Variants in UTY observed in about 807,000 individuals in gnomAD.
UTY encodes ubiquitously transcribed tetratricopeptide repeat containing, Y-linked, also known as histone demethylase UTY.
A neutral mutation model predicts 32.5 loss-of-function variants in UTY; 12 were observed. The ratio of observed to expected loss-of-function variants is 0.37; its 90% confidence interval spans 0.24 to 0.60. UTY has a LOEUF of 0.60. UTY is among the 20% of genes least tolerant of loss of function. The pLI is 0.69. For synonymous variants in UTY, 131 were observed against 103.4 expected, an observed-to-expected ratio of 1.27 and a Z score of -1.62; for missense variants, 303 against 299.2, an observed-to-expected ratio of 1.01 and a Z score of -0.09.
intron 4 of UTY, among the ~76,000 whole-genome samples, chrY:13,415,761 C>T (rs975690380): frequency 9.0e-5 from 3 of 33,502 alleles, no homozygotes; most frequent in Admixed American, 8.0e-4. Context: ...AATGATGCAA[C>T]TGCCTAAAAA....
intron 21 of UTY, among the ~76,000 whole-genome samples, chrY:13,322,245 T>C (rs2059890173): frequency 2.9e-5 from 1 of 33,927 alleles, no homozygotes; most frequent in Non-Finnish European, 7.3e-5. Flanking sequence ...TTCTACATTC[T>C]TTCATCTGAT....
chrY:13,234,566 C>T (rs1410611444), downstream of UTY: 3 of 136,237 alleles, frequency 2.2e-5, no homozygotes, highest in South Asian at 7.7e-5. Context: ...GAATGAGGAA[C>T]GTGGACAAAT....
chrY:13,377,285 C>T, intron 8 of UTY, among the ~76,000 whole-genome samples: 1 of 33,405 alleles, frequency 3.0e-5, no homozygotes, highest in East Asian at 7.7e-4. Flanking sequence ...AAAACGAAGA[C>T]CTATGGACCA....
intron 2 of UTY, among the ~76,000 whole-genome samples, chrY:13,475,379 CA>C (rs2078933638): frequency 2.9e-5 from 1 of 34,059 alleles, no homozygotes; most frequent in East Asian, 7.6e-4. Context: ...GACTAATTTA[CA>C]AAATATGTAG....
At chrY:13,295,586 G>A in intron 27 of UTY, among the ~76,000 whole-genome samples, 1 of 33,645 alleles carries the variant, frequency 3.0e-5, no homozygotes, top group Non-Finnish European at 7.4e-5. Flanking sequence ...GCACCAACTC[G>A]AAAGTCCAGT....
At chrY:13,455,025 A>T in intron 3 of UTY, among the ~76,000 whole-genome samples, 2 of 31,836 alleles carry the variant, frequency 6.3e-5, no homozygotes, top group Admixed American at 5.9e-4. Flanking sequence ...CATGCCAGGT[A>T]AAAGAATCCA....
intron 4 of UTY, among the ~76,000 whole-genome samples, chrY:13,424,116 G>T: frequency 5.9e-5 from 2 of 33,823 alleles, no homozygotes; most frequent in African/African-American, 1.2e-4. Context: ...TAAAAATATA[G>T]AGAGAGAATG....
chrY:13,332,990 CA>C (rs2060790089), intron 18 of UTY, among the ~76,000 whole-genome samples: 1 of 33,202 alleles, frequency 3.0e-5, no homozygotes, highest in East Asian at 7.8e-4. Flanking sequence ...CTCGCATTCA[CA>C]ATTGCTACAG....
At chrY:13,313,049 G>A in intron 21 of UTY, among the ~76,000 whole-genome samples, 1 of 32,649 alleles carries the variant, frequency 3.1e-5, no homozygotes, top group African/African-American at 1.2e-4. Flanking sequence ...CTCATTACTG[G>A]GTATCTACCC....
At chrY:13,287,524 A>C in intron 27 of UTY, 1 of 109,778 alleles carries the variant, frequency 9.1e-6, no homozygotes. Context: ...TATATAAATA[A>C]AAACAAGGCT....
intron 4 of UTY, among the ~76,000 whole-genome samples, chrY:13,421,112 T>C (rs2072459740): frequency 3.1e-5 from 1 of 32,776 alleles, no homozygotes; most frequent in Non-Finnish European, 7.5e-5. Flanking sequence ...CCAACAAGCA[T>C]AGAGAAAAAA....
At chrY:13,265,523 A>T in intron 27 of UTY, among the ~76,000 whole-genome samples, 1 of 33,366 alleles carries the variant, frequency 3.0e-5, no homozygotes, top group South Asian at 6.6e-4. Flanking sequence ...TGGGGAGTTC[A>T]TTCATGATTT....
chrY:13,257,190 G>C, intron 28 of UTY, among the ~76,000 whole-genome samples: 1 of 33,778 alleles, frequency 3.0e-5, no homozygotes, highest in Non-Finnish European at 7.3e-5. Context: ...TTCTCACTTT[G>C]TCTGGGCTAC....
chrY:13,308,033 T>C, intron 21 of UTY, among the ~76,000 whole-genome samples: 1 of 31,528 alleles, frequency 3.2e-5, no homozygotes, highest in Non-Finnish European at 7.6e-5. Context: ...AGGTGGATCA[T>C]ATGAGGCCAG....
chrY:13,268,760 T>C, intron 27 of UTY, among the ~76,000 whole-genome samples: 1 of 33,423 alleles, frequency 3.0e-5, no homozygotes, highest in Non-Finnish European at 7.3e-5. Context: ...TTCTGCTTGT[T>C]AGTTTTCCTT....
intron 4 of UTY, among the ~76,000 whole-genome samples, chrY:13,424,189 C>T (rs981824741): frequency 1.1e-3 from 36 of 32,882 alleles, no homozygotes; most frequent in African/African-American, 4.2e-3. Flanking sequence ...GGACAGATCA[C>T]GAGGTCGGGA....
chrY:13,256,154 A>G (rs897723743), intron 28 of UTY, among the ~76,000 whole-genome samples: 2 of 33,761 alleles, frequency 5.9e-5, no homozygotes, highest in South Asian at 6.5e-4. Context: ...TTCAAAAATT[A>G]CTAGAGGACA....
At position 13,336,299 on chromosome Y, in the gene UTY, G is replaced by A. The variant is rs1357230868; in HGVS notation, c.2098C>T (p.Pro700Ser). 2.5e-6 allele frequency: 1 copy of A among 397,585 alleles called. No homozygotes were observed. Among genetic ancestry groups the A allele is most frequent in the Non-Finnish European group, 3.5e-6 (1 of 283,262 alleles). ...HKSQSSCLSG[P>S]NEEQPLFSTG... ...GAAAACAGAGGTTGTTCTTCATTAG[G>A]TCCTGACAAACATGAACTCTGACTT... Residue 700 changes from proline (P) to serine (S), a missense_variant, in exon 18 of 30, where the codon CCT (proline) becomes TCT (serine). Physicochemically the swap from Pro to Ser is moderately conservative, Grantham distance 74. Transcript: ENST00000545955.
At chrY:13,268,317 A>T in intron 27 of UTY, among the ~76,000 whole-genome samples, 1 of 33,149 alleles carries the variant, frequency 3.0e-5, no homozygotes, top group African/African-American at 1.2e-4. Flanking sequence ...TGATCGATTC[A>T]GCTATTGATA....
Sources: allele counts gnomAD v4.1 joint callset (sites outside exome capture counted in the v4.1 genomes callset), GRCh38; gene constraint gnomAD v4.1.1; transcripts MANE v1.5; gene names NCBI Gene and HGNC (gene_info 2026-07-23, HGNC 2026-07-21).